Variants in ANK3 observed in about 807,000 individuals in gnomAD.
The protein encoded by ANK3 is ankyrin 3.
A neutral mutation model predicts 370.9 loss-of-function variants in ANK3; 57 were observed. The observed-to-expected ratio is 0.15, with a 90% CI of 0.12 to 0.19. The LOEUF (loss-of-function observed/expected upper bound fraction) is 0.19. Among genes scored for constraint, ANK3 ranks in the 10% least tolerant of loss-of-function variants. The probability of loss-of-function intolerance (pLI) is 1.00; values close to 1 mark genes in which losing one functional copy is unlikely to be tolerated. For missense variants in ANK3, 4,439 were observed against 5,302.1 expected (o/e 0.84, Z 5.06); for synonymous variants, 1,929 against 1,946.3 (o/e 0.99, Z 0.23).
intron 2 of ANK3, among the ~76,000 whole-genome samples, chr10:60,547,980 T>C (rs1046306730): frequency 6.6e-6 from 1 of 152,060 alleles, no homozygotes; most frequent in Non-Finnish European, 1.5e-5. Context: ...AATTACAAGA[T>C]ACTGCAAAGG....
intron 1 of ANK3, among the ~76,000 whole-genome samples, chr10:60,313,457 C>G (rs1399743808): frequency 6.6e-6 from 1 of 152,300 alleles, no homozygotes; most frequent in South Asian, 2.1e-4. Flanking sequence ...ATTAGTTTGT[C>G]TTTCCTGCAG....
At position 60,043,383 on chromosome 10, in the gene ANK3, TTTAC is replaced by T. The variant is rs1460935155; in HGVS notation, c.13066-628_13066-625del. ...ATTTGTACTTCTGATAAATTTTCAGTTTACTTTTTCTAATGTAAACATTGTCTAT... is the reference window on the plus strand; with the variant it reads ...ATTTGTACTTCTGATAAATTTTCAGTTTTTTCTAATGTAAACATTGTCTAT... On this transcript the variant is annotated intron_variant, in intron 42 of 43. Transcript: ENST00000280772. 5 of 984,072 alleles carry T rather than the reference TTTAC, an allele frequency of 5.1e-6. No individual in the cohort carries two copies. The African/African-American group carries it at 8.7e-5, about 17-fold the overall frequency. The allele number at this position is 984,072 out of a possible 1,614,324, so 61.0% of individuals were successfully genotyped here. A position where few individuals can be genotyped will look rare whatever the true frequency, so the allele number is the denominator to read the frequency against.
intron 1 of ANK3, among the ~76,000 whole-genome samples, chr10:60,337,928 T>C (rs2053398982): frequency 6.6e-6 from 1 of 152,204 alleles, no homozygotes; most frequent in Non-Finnish European, 1.5e-5. Context: ...CATTATCTGA[T>C]TTTATATTTG....
chr10:60,309,774 AAAAC>A (rs919203862), intron 1 of ANK3, among the ~76,000 whole-genome samples: 13 of 152,238 alleles, frequency 8.5e-5, no homozygotes, highest in African/African-American at 2.9e-4. Flanking sequence ...AGCATCAGAA[AAAAC>A]AAACAAAAAC....
chr10:60,057,273 C>G (rs1483904351), intron 41 of ANK3, among the ~76,000 whole-genome samples: 17 of 152,274 alleles, frequency 1.1e-4, no homozygotes, highest in South Asian at 2.1e-4. Context: ...CCAATGCTTT[C>G]TTTTAAATTG....
intron 2 of ANK3, among the ~76,000 whole-genome samples, chr10:60,562,429 A>C (rs1340379666): frequency 6.7e-6 from 1 of 150,352 alleles, no homozygotes; most frequent in Admixed American, 6.6e-5. Flanking sequence ...TCCGTGGGGT[A>C]GGGGGATGGA....
intron 2 of ANK3, among the ~76,000 whole-genome samples, chr10:60,614,030 TA>T (rs2078235804): frequency 6.6e-6 from 1 of 152,040 alleles, no homozygotes; most frequent in Non-Finnish European, 1.5e-5. Flanking sequence ...GCTAAGATCA[TA>T]CCACTGCACT....
At chr10:60,424,943 G>C (rs986787702) in intron 2 of ANK3, among the ~76,000 whole-genome samples, 4 of 152,020 alleles carry the variant, frequency 2.6e-5, no homozygotes, top group Non-Finnish European at 5.9e-5. Flanking sequence ...GACCCCTAAA[G>C]AGGGGCCTTT....
intron 1 of ANK3, among the ~76,000 whole-genome samples, chr10:60,722,365 C>T (rs2079876176): frequency 6.6e-6 from 1 of 152,090 alleles, no homozygotes; most frequent in South Asian, 2.1e-4. Flanking sequence ...GATCATTTAA[C>T]CCCAAGAGAT....
At chr10:60,727,746 G>A (rs2079962013) in intron 1 of ANK3, among the ~76,000 whole-genome samples, 1 of 151,828 alleles carries the variant, frequency 6.6e-6, no homozygotes, top group Admixed American at 6.6e-5. Flanking sequence ...GGTATTTAAG[G>A]ATCTACTTGG....
At chr10:60,294,634 C>T (rs149870625) in intron 1 of ANK3, among the ~76,000 whole-genome samples, 6 of 152,118 alleles carry the variant, frequency 3.9e-5, no homozygotes, top group Non-Finnish European at 8.8e-5. Context: ...TTTTAGGAGG[C>T]CTTGCTGAAA....
At chr10:60,369,952 G>T (rs577840549) in intron 1 of ANK3, among the ~76,000 whole-genome samples, 1 of 152,148 alleles carries the variant, frequency 6.6e-6, no homozygotes, top group African/African-American at 2.4e-5. Flanking sequence ...TGGGGTAACG[G>T]CATTCTTTAC....
intron 1 of ANK3, among the ~76,000 whole-genome samples, chr10:60,348,202 C>T (rs1195036291): frequency 6.6e-6 from 1 of 152,068 alleles, no homozygotes. Flanking sequence ...TCATACCAAA[C>T]AGACTCATAT....
intron 2 of ANK3, among the ~76,000 whole-genome samples, chr10:60,534,681 T>G (rs1285140999): frequency 1.3e-5 from 2 of 152,138 alleles, no homozygotes; most frequent in Non-Finnish European, 2.9e-5. Context: ...GTGTGATTAT[T>G]TAAAAATTCT....
At chr10:60,140,656 G>A in intron 23 of ANK3, 1 of 1,337,716 alleles carries the variant, frequency 7.5e-7, no homozygotes. Context: ...TGACCACTTC[G>A]CAGACATCCT....
chr10:60,398,219 C>A (rs1400031499), intron 2 of ANK3, among the ~76,000 whole-genome samples: 2 of 152,168 alleles, frequency 1.3e-5, no homozygotes, highest in Non-Finnish European at 2.9e-5. Context: ...CAAATATACT[C>A]CTTGTTAATT....
At chr10:60,103,487 G>GT (rs2091664558) in intron 28 of ANK3, among the ~76,000 whole-genome samples, 7 of 150,604 alleles carry the variant, frequency 4.6e-5, no homozygotes, top group African/African-American at 1.5e-4. Flanking sequence ...ACAGATTTGG[G>GT]ATTTTTTTTT....
rs1487485109 is a variant in ANK3 at position 60,717,569 on chromosome 10, T to C, written c.57+15694A>G. Among the ~76,000 whole-genome samples the C allele has an allele frequency of 2.6e-5, 4 of 152,192 alleles. No homozygotes were observed. In the East Asian group the frequency reaches 7.7e-4, roughly 29 times the overall value. The stretch of plus-strand genomic sequence containing the variant: ...GCATAATAATAAAAAGAACTTACTA[T>C]GAACCAAGCACTGAGCTTTACAATT... On this transcript the variant is annotated intron_variant, in intron 1 of 43. Coordinates refer to the ANK3 transcript ENST00000373827.
intron 1 of ANK3, among the ~76,000 whole-genome samples, chr10:60,679,351 G>A (rs1440588502): frequency 6.6e-6 from 1 of 152,116 alleles, no homozygotes; most frequent in Non-Finnish European, 1.5e-5. Flanking sequence ...TTGTTAAACA[G>A]TTTCTCTAAA....
Sources: allele counts gnomAD v4.1 joint callset (sites outside exome capture counted in the v4.1 genomes callset), GRCh38; gene constraint gnomAD v4.1.1; transcripts MANE v1.5; gene names NCBI Gene and HGNC (gene_info 2026-07-23, HGNC 2026-07-21).